The following RUNX1 variants were observed in gnomAD, a reference collection of about 807,000 sequenced individuals.
RUNX1 encodes the protein runt-related transcription factor 1.
Under a neutral mutation model 42.8 loss-of-function variants are expected in RUNX1, and 19 were observed. The ratio of observed to expected loss-of-function variants is 0.44; its 90% CI spans 0.31 to 0.65. The LOEUF is 0.65. Ranked by LOEUF, RUNX1 falls within the 30% of genes least tolerant of loss-of-function variation. The pLI is 0.07. For synonymous variants in RUNX1, 271 were observed against 289.4 expected, an observed-to-expected ratio of 0.94 and a Z score of 0.64; for missense variants, 528 against 672.0, an observed-to-expected ratio of 0.79 and a Z score of 2.37.
chr21:34,794,478 T>C (rs1222114555), intron 8 of RUNX1, among the ~76,000 whole-genome samples: 3 of 152,244 alleles, frequency 2.0e-5, no homozygotes, highest in Non-Finnish European at 4.4e-5. Flanking sequence ...CACAAGTAGA[T>C]GTAGGACCTT....
intron 3 of RUNX1, chr21:34,889,586 G>C: frequency 1.1e-6 from 1 of 874,358 alleles, no homozygotes; most frequent in Non-Finnish European, 1.4e-6. Flanking sequence ...AGCCTGCCCG[G>C]GCCCCGCGTC....
At chr21:34,833,480 C>T (rs1185491099) in intron 7 of RUNX1, 1 of 152,412 alleles carries the variant, frequency 6.6e-6, no homozygotes, top group African/African-American at 2.4e-5. Flanking sequence ...TTTGTACATC[C>T]CACAATACAA....
chr21:34,889,649 C>T (rs1601535726), intron 3 of RUNX1: 1 of 1,114,262 alleles, frequency 9.0e-7, no homozygotes. Context: ...CCCCCGTGCG[C>T]TCGAGCGGCC....
intron 2 of RUNX1, among the ~76,000 whole-genome samples, chr21:35,011,886 T>A (rs1001051959): frequency 2.6e-4 from 39 of 152,300 alleles, no homozygotes; most frequent in Non-Finnish European, 5.1e-4. Flanking sequence ...CAAAAAGAGA[T>A]CTGGACCCTA....
chr21:35,031,072 G>GAGA (rs1449886219), intron 2 of RUNX1, among the ~76,000 whole-genome samples: 1 of 152,218 alleles, frequency 6.6e-6, no homozygotes, highest in African/African-American at 2.4e-5. Flanking sequence ...GAGATGGCCG[G>GAGA]GTGCGGTGGC....
intron 2 of RUNX1, among the ~76,000 whole-genome samples, chr21:34,905,957 A>G (rs2058214757): frequency 6.6e-6 from 1 of 152,220 alleles, no homozygotes; most frequent in Non-Finnish European, 1.5e-5. Flanking sequence ...TATACCTCAC[A>G]TAACTCCTCT....
chr21:34,795,287 C>T (rs1012072942), intron 8 of RUNX1, among the ~76,000 whole-genome samples: 2 of 152,198 alleles, frequency 1.3e-5, no homozygotes, highest in Non-Finnish European at 2.9e-5. Context: ...TCAACTTCCT[C>T]ATATTTCAAG....
chr21:34,820,751 C>T (rs1452047784), intron 7 of RUNX1, among the ~76,000 whole-genome samples: 1 of 152,114 alleles, frequency 6.6e-6, no homozygotes, highest in Non-Finnish European at 1.5e-5. Context: ...CTAGCATCTC[C>T]CTGAGATGGT....
intron 8 of RUNX1, among the ~76,000 whole-genome samples, chr21:34,794,167 AAT>A (rs931289614): frequency 9.9e-5 from 15 of 152,238 alleles, no homozygotes; most frequent in Admixed American, 7.2e-4. Context: ...CTACTAACAC[AAT>A]ATGTTATACA....
chr21:34,953,687 T>C (rs1268759666), intron 2 of RUNX1, among the ~76,000 whole-genome samples: 1 of 152,222 alleles, frequency 6.6e-6, no homozygotes, highest in African/African-American at 2.4e-5. Flanking sequence ...TTCTAACTTA[T>C]GGAGTTACAG....
chr21:35,020,398 G>A (rs956238863), intron 2 of RUNX1, among the ~76,000 whole-genome samples: 1 of 152,184 alleles, frequency 6.6e-6, no homozygotes, highest in Admixed American at 6.5e-5. Flanking sequence ...CATGGAGAAA[G>A]TGGCTCCTGA....
At chr21:35,024,800 T>A (rs1265111845) in intron 2 of RUNX1, among the ~76,000 whole-genome samples, 1 of 152,254 alleles carries the variant, frequency 6.6e-6, no homozygotes, top group African/African-American at 2.4e-5. Context: ...ATGATGAAAT[T>A]CTCAGCATCC....
chr21:34,856,816 C>T (rs1038409780), intron 6 of RUNX1, among the ~76,000 whole-genome samples: 2 of 152,158 alleles, frequency 1.3e-5, no homozygotes, highest in African/African-American at 2.4e-5. Flanking sequence ...GGAGGGGACT[C>T]GGGAGGTCTT....
At chr21:34,838,884 T>C (rs1242268673) in intron 6 of RUNX1, among the ~76,000 whole-genome samples, 1 of 151,744 alleles carries the variant, frequency 6.6e-6, no homozygotes, top group Non-Finnish European at 1.5e-5. Context: ...TCTTCAATAT[T>C]ATTTACCATA....
At position 34,966,464 on chromosome 21, in the gene RUNX1, G is replaced by A. The variant is rs532848859; in HGVS notation, c.59-73501C>T. 2.2e-4 allele frequency among the ~76,000 whole-genome samples: 34 copies of A among 152,220 alleles called. No homozygotes were observed. The Middle Eastern group carries it at 0.01, about 46-fold the overall frequency. ...TAAGCCACTTGCCTAAAGCCACATG[G>A]CCAATGAAGGGAGAAGAAGATGCTT... On this transcript the variant is annotated intron_variant, in intron 2 of 8. Coordinates refer to ENST00000675419, the MANE Select transcript of RUNX1 (RefSeq NM_001754.5).
chr21:34,959,081 A>G (rs2058665685), intron 2 of RUNX1, among the ~76,000 whole-genome samples: 2 of 151,772 alleles, frequency 1.3e-5, no homozygotes, highest in African/African-American at 4.8e-5. Flanking sequence ...GGATAGCATT[A>G]GGAGATATAC....
In RUNX1 at chr21:34,814,574, C is replaced by T. The variant is rs1013787831; in HGVS notation, c.806-15112G>A. On this transcript the variant is annotated intron_variant, in intron 7 of 8. Coordinates refer to ENST00000675419, the MANE Select transcript of RUNX1 (RefSeq NM_001754.5). ...ACAGGCTCGCTCTCCTCCAGTCTCGCAAGCTTTGGCCTGGCTGTCTGAACC... is the reference window on the plus strand; with the variant it reads ...ACAGGCTCGCTCTCCTCCAGTCTCGTAAGCTTTGGCCTGGCTGTCTGAACC... 5.9e-5 allele frequency among the ~76,000 whole-genome samples: 9 copies of T among 152,336 alleles called. No individual in the cohort carries two copies. In the East Asian group the frequency reaches 1.2e-3, roughly 20 times the overall value.
Position 34,901,192 on chromosome 21 carries a change from G to A in RUNX1, c.59-8229C>T, listed in dbSNP as rs1179891306. ...TAAGGGGCTGCTGGGAACCCCTGAAGGTCCAAGTGTCTCTTTTGTGCAAAG... is the reference window on the plus strand; with the variant it reads ...TAAGGGGCTGCTGGGAACCCCTGAAAGTCCAAGTGTCTCTTTTGTGCAAAG... On this transcript the variant is annotated intron_variant, in intron 2 of 8. Transcript: ENST00000675419. The surrounding 1 kb of genome is among the most constrained non-coding windows in gnomAD (Gnocchi z 4.3). Among the ~76,000 whole-genome samples, 3 of 151,964 alleles carry A rather than the reference G, an allele frequency of 2.0e-5. No homozygotes were observed. The highest frequency in any genetic ancestry group is 7.3e-5 in the African/African-American group (3 of 41,354).
chr21:34,929,410 G>A (rs1007346339), intron 2 of RUNX1, among the ~76,000 whole-genome samples: 1 of 152,162 alleles, frequency 6.6e-6, no homozygotes, highest in African/African-American at 2.4e-5. Context: ...TACATTTTTA[G>A]GGGCGGTGGG....
Sources: gnomAD v4.1 joint callset for allele counts (sites outside exome capture counted in the v4.1 genomes callset) on GRCh38, gnomAD v4.1.1 for gene constraint, Gnocchi (gnomAD v3.1) non-coding constraint, MANE v1.5 for transcripts, NCBI Gene and HGNC (gene_info 2026-07-23, HGNC 2026-07-21) for gene names.